Variants in KLHL32 observed in about 807,000 individuals in gnomAD.
KLHL32 encodes kelch like family member 32, also known as kelch-like protein 32.
KLHL32 carries 35 observed loss-of-function variants against 64.8 expected under a neutral mutation model. That is an observed-to-expected ratio of 0.54 (90% CI 0.41 to 0.72). The LOEUF (loss-of-function observed/expected upper bound fraction) is 0.72. KLHL32 is among the 30% of genes least tolerant of loss of function. The pLI, the probability that KLHL32 is intolerant of heterozygous loss-of-function variation, is 0.00. For synonymous variants in KLHL32, 259 were observed against 281.0 expected (o/e 0.92, Z 0.78); for missense variants, 589 against 768.5 (o/e 0.77, Z 2.76).
At position 97,085,238 on chromosome 6, in the gene KLHL32, T is replaced by C. The variant is rs764777717; in HGVS notation, c.524T>C (p.Leu175Pro). 7 of 1,614,066 alleles carry C rather than the reference T, an allele frequency of 4.3e-6. No individual in the cohort carries two copies. Among genetic ancestry groups the C allele is most frequent in the Non-Finnish European group, 5.1e-6 (6 of 1,180,030 alleles). Residue 175 changes from leucine to proline, a missense_variant, in exon 6 of 11, where the codon CTG becomes CCG. Leu to Pro is a moderately conservative substitution (Grantham distance 98). Coordinates refer to ENST00000369261, the MANE Select transcript of KLHL32 (RefSeq NM_052904.4). ...DFLVKHLSEL[L>P]KSRPEEVLTL... is the part of the protein sequence containing the mutation. ...TTAGTGAAACATCTCTCTGAACTCC[T>C]GAAGAGCCGCCCAGAAGAAGTTCTA...
In KLHL32 at chr6:97,021,714, G is replaced by A. The variant is rs533536339; in HGVS notation, c.205-19778G>A. Reference sequence around the variant, plus strand: ...TGATGACTGACAAATTTATATTTCCGAATTGGACTTCCCCTAAAATTGTGA... The same window carrying A: ...TGATGACTGACAAATTTATATTTCCAAATTGGACTTCCCCTAAAATTGTGA... On this transcript the variant is annotated intron_variant, in intron 3 of 10. Transcript: ENST00000369261. Among the ~76,000 whole-genome samples the A allele has an allele frequency of 4.6e-5, 7 of 150,818 alleles. No individual in the cohort carries two copies. In the East Asian group the frequency reaches 9.7e-4, roughly 21 times the overall value.
In KLHL32 at chr6:97,130,783, G is replaced by A; in HGVS notation, c.1440G>A (p.Met480Ile). ...ATAAGTGGATAAGCCGTAGCCCCAT[G>A]CTGCAGAGAAGGGTCTACCATTCCA... ...NQNKWISRSP[M>I]LQRRVYHSMA... Residue 480 changes from methionine (M) to isoleucine (I), a missense_variant, in exon 9 of 11, where the codon ATG becomes ATA. Met to Ile is a conservative substitution (Grantham distance 10). Around this residue, in one of 3 missense-constraint regions of KLHL32, gnomAD observed 172 missense variants for 192.0 expected, o/e 0.90. Transcript: ENST00000369261. 1 of 1,613,770 alleles carries A rather than the reference G, an allele frequency of 6.2e-7. No homozygotes were observed. The highest frequency in any genetic ancestry group is 1.1e-5 in the South Asian group (1 of 91,024).
At chr6:97,132,180 C>T (rs1799508724) in intron 9 of KLHL32, among the ~76,000 whole-genome samples, 1 of 152,066 alleles carries the variant, frequency 6.6e-6, no homozygotes, top group African/African-American at 2.4e-5. Flanking sequence ...ATCTCTTCTG[C>T]CATTTGTCTT....
chr6:97,114,322 G>T lies in KLHL32; in HGVS notation c.1167G>T (p.Glu389Asp), dbSNP rs1260317080. 6.2e-7 allele frequency: 1 copy of T among 1,614,072 alleles called. No homozygotes were observed. Among genetic ancestry groups the T allele is most frequent in the Non-Finnish European group, 8.5e-7 (1 of 1,180,042 alleles). The stretch of plus-strand genomic sequence containing the variant: ...TAGCACCCATGAAAAACTGCCGGGA[G>T]CATTTTGTGCTGGGTGCCATGGAGG... ...AEIAPMKNCREHFVLGAMEEY... is the reference protein window; with the variant it reads ...AEIAPMKNCRDHFVLGAMEEY... The change falls in exon 7 of 11, where the codon GAG becomes GAT. Residue 389 changes from glutamate (E) to aspartate (D), a missense_variant. Coordinates refer to ENST00000369261, the MANE Select transcript of KLHL32 (RefSeq NM_052904.4).
intron 1 of KLHL32, among the ~76,000 whole-genome samples, chr6:96,953,475 C>T (rs1772878935): frequency 6.6e-6 from 1 of 152,040 alleles, no homozygotes. Context: ...ACTAAAAATA[C>T]AAAAATTAGC....
In KLHL32 at chr6:97,081,476, G is replaced by C. The variant is rs532574611; in HGVS notation, c.412-3650G>C. On this transcript the variant is annotated intron_variant, in intron 5 of 10. Transcript: ENST00000369261. Reference sequence around the variant, plus strand: ...CCCTGGGAGGGGCAGTCTATTCTCAGTCAGTGAAACCCCAGATGCCAGAAC... The same window carrying C: ...CCCTGGGAGGGGCAGTCTATTCTCACTCAGTGAAACCCCAGATGCCAGAAC... Among the ~76,000 whole-genome samples, 25 of 152,318 alleles carry C rather than the reference G, an allele frequency of 1.6e-4. No individual in the cohort carries two copies. In the South Asian group the frequency reaches 4.6e-3, roughly 28 times the overall value.
intron 1 of KLHL32, among the ~76,000 whole-genome samples, chr6:96,949,351 A>G (rs1018752809): frequency 3.9e-5 from 6 of 152,092 alleles, no homozygotes; most frequent in East Asian, 3.9e-4. Flanking sequence ...TCTTCATGCA[A>G]TTCTTTTTGC....
chr6:96,951,158 C>T (rs569913509), intron 1 of KLHL32, among the ~76,000 whole-genome samples: 32 of 152,020 alleles, frequency 2.1e-4, no homozygotes, highest in African/African-American at 7.0e-4. Context: ...GGGTCAGACT[C>T]ACATGGTCTC....
Position 96,976,089 on chromosome 6 carries a change from G to A in KLHL32, c.116G>A (p.Gly39Asp). Reference protein sequence around the residue: ...LAALNQQRSDGILCDITLIAE... With the variant: ...LAALNQQRSDDILCDITLIAE... ...GCGCTGAATCAGCAGAGGAGTGATG[G>A]CATCCTCTGCGACATCACCCTGATT... Residue 39 changes from glycine to aspartate, a missense_variant, in exon 3 of 11, where the codon GGC becomes GAC. Physicochemically the swap from Gly to Asp is moderately conservative, Grantham distance 94. Coordinates refer to ENST00000369261, the MANE Select transcript of KLHL32 (RefSeq NM_052904.4). The A allele has an allele frequency of 6.2e-7, 1 of 1,608,972 alleles. No homozygotes were observed.
At chr6:96,951,868 G>A (rs62413870) in intron 1 of KLHL32, among the ~76,000 whole-genome samples, 15,044 of 152,222 alleles carry the variant, frequency 0.099, 785 homozygotes, top group Middle Eastern at 0.16. Context: ...TCTTTAGATA[G>A]CAGCAGGTCC....
chr6:97,114,657 C>T (rs1797631345), intron 7 of KLHL32, 148 bp downstream of exon 7: 3 of 876,176 alleles, frequency 3.4e-6, no homozygotes. Context: ...TTATTGAGCA[C>T]CTACTCTAGA....
chr6:96,907,337 T>C, the KLHL32 span, among the ~76,000 whole-genome samples: 9 of 152,250 alleles, frequency 5.9e-5, no homozygotes, highest in South Asian at 1.2e-3. Flanking sequence ...TAAAAAATCC[T>C]TCTTTTAGTG....
At chr6:97,066,594 T>G (rs1440310188) in intron 5 of KLHL32, among the ~76,000 whole-genome samples, 1 of 152,234 alleles carries the variant, frequency 6.6e-6, no homozygotes, top group East Asian at 1.9e-4. Context: ...CTTTACTTTT[T>G]CTTTTTATCT....
Position 96,924,807 on chromosome 6 carries a change from A to AGG in KLHL32, c.-285_-284insGG, listed in dbSNP as rs1768939023. The AGG allele has an allele frequency of 8.3e-6, 1 of 119,910 alleles. No homozygotes were observed. Among genetic ancestry groups the AGG allele is most frequent in the African/African-American group, 4.0e-5 (1 of 24,922 alleles). 7.4% of individuals were successfully genotyped at this position (119,910 alleles called of 1,614,324 possible). ...CGCGCACACACGCACGCAGGCACAC[A>AGG]CACACACACACACACACACACACAC... On this transcript the variant is annotated 5_prime_UTR_variant, in exon 1 of 11. Coordinates refer to ENST00000369261, the MANE Select transcript of KLHL32 (RefSeq NM_052904.4).
intron 4 of KLHL32, among the ~76,000 whole-genome samples, chr6:97,063,435 G>T (rs758314653): frequency 6.6e-6 from 1 of 152,198 alleles, no homozygotes; most frequent in Non-Finnish European, 1.5e-5. Context: ...GGCAGAAGGG[G>T]TTGGGATCAA....
At position 97,057,478 on chromosome 6, in the gene KLHL32, G is replaced by T. The variant is rs1261279214; in HGVS notation, c.313-7150G>T. On this transcript the variant is annotated intron_variant, in intron 4 of 10. Coordinates refer to ENST00000369261, the MANE Select transcript of KLHL32 (RefSeq NM_052904.4). Reference sequence around the variant, plus strand: ...ATTACAGGCGTGAGCCACCGCGCCCGGCCGAGTATCTTTTTATATGCTTAT... The same window carrying T: ...ATTACAGGCGTGAGCCACCGCGCCCTGCCGAGTATCTTTTTATATGCTTAT... Among the ~76,000 whole-genome samples the T allele has an allele frequency of 2.2e-5, 2 of 89,122 alleles. 1 individual carries two copies. Among genetic ancestry groups the T allele is most frequent in the African/African-American group, 1.4e-4 (2 of 13,900 alleles). The allele number at this position is 89,122 out of a possible 152,430, so 58.5% of individuals were successfully genotyped here.
In KLHL32 at chr6:97,106,612, C is replaced by T. The variant is rs746523558; in HGVS notation, c.628-7171C>T. ...ACAAAAAATAGCTGGGTGGTAATGG[C>T]GCACGCTTGTAATCCCAGCTACTTG... On this transcript the variant is annotated intron_variant, in intron 6 of 10. Transcript: ENST00000369261. Among the ~76,000 whole-genome samples the T allele has an allele frequency of 4.6e-5, 7 of 151,914 alleles. No individual in the cohort carries two copies. In the East Asian group the frequency reaches 5.8e-4, roughly 13 times the overall value.
Position 97,114,492 on chromosome 6 carries a change from G to T in KLHL32, c.1337G>T (p.Gly446Val). The change falls in exon 7 of 11, where the codon GGT becomes GTT. Residue 446 changes from glycine to valine, a missense_variant. Physicochemically the swap from Gly to Val is moderately radical, Grantham distance 109. Coordinates refer to ENST00000369261, the MANE Select transcript of KLHL32 (RefSeq NM_052904.4). ...TGCCATGCTGGATATGTGGCTGATGGTCTTCTTTGGATATCAGGTAGAACA... is the reference window on the plus strand; with the variant it reads ...TGCCATGCTGGATATGTGGCTGATGTTCTTCTTTGGATATCAGGTAGAACA... ...LSCHAGYVADGLLWISGGVTN... is the reference protein window; with the variant it reads ...LSCHAGYVADVLLWISGGVTN... 3 of 1,613,760 alleles carry T rather than the reference G, an allele frequency of 1.9e-6. No homozygotes were observed. Among genetic ancestry groups the T allele is most frequent in the Non-Finnish European group, 2.5e-6 (3 of 1,179,986 alleles).
intron 3 of KLHL32, among the ~76,000 whole-genome samples, chr6:96,995,371 C>T (rs1778304044): frequency 6.6e-6 from 1 of 152,140 alleles, no homozygotes; most frequent in African/African-American, 2.4e-5. Context: ...ACTCTGTCAC[C>T]ACCTTCCCTC....
Sources: gnomAD v4.1 joint callset for allele counts (sites outside exome capture counted in the v4.1 genomes callset) on GRCh38, gnomAD v4.1.1 for gene constraint, gnomAD v4.1.1 regional missense constraint, MANE v1.5 for transcripts, NCBI Gene and HGNC (gene_info 2026-07-23, HGNC 2026-07-21) for gene names.